The following TCAF2 variants were observed in gnomAD, a reference collection of about 807,000 sequenced individuals.
TCAF2 encodes the protein TRPM8 channel associated factor 2, also known as TRPM8 channel-associated factor 2.
TCAF2 carries 6 observed loss-of-function variants against 33.9 expected under a neutral mutation model. That is an observed-to-expected ratio of 0.18 (90% confidence interval 0.10 to 0.35). TCAF2 has a LOEUF of 0.35. Among genes scored for constraint, TCAF2 ranks in the 10% least tolerant of loss-of-function variants. The pLI is 1.00. For missense variants in TCAF2, 109 were observed against 604.0 expected (o/e 0.18, Z 8.59); for synonymous variants, 41 against 247.8 (o/e 0.17, Z 7.84).
chr7:143,727,716 TCCA>T lies in TCAF2; in HGVS notation c.*53_*55del. On this transcript the variant is annotated 3_prime_UTR_variant, in exon 8 of 8. Transcript: ENST00000684770. ...GAAAAGGCAGGGTCACGCCATCAAC[TCCA>T]CCATGGGGCTTTGGCCGTGTGCTCA... The T allele has an allele frequency of 1.9e-6, 1 of 522,356 alleles. No individual in the cohort carries two copies. Among genetic ancestry groups the T allele is most frequent in the Non-Finnish European group, 3.3e-6 (1 of 301,908 alleles). 32.4% of individuals were successfully genotyped at this position (522,356 alleles called of 1,614,324 possible). A position where few individuals can be genotyped will look rare whatever the true frequency, so the allele number is the denominator to read the frequency against.
chr7:143,718,306 C>A (rs75884701), intron 2 of TCAF2, among the ~76,000 whole-genome samples: 20 of 131,452 alleles, frequency 1.5e-4, no homozygotes, highest in African/African-American at 3.0e-4. Flanking sequence ...TTAAAATGAC[C>A]TAAAATCCCA....
At chr7:143,707,589 A>AATG (rs1809251003) in intron 2 of TCAF2, among the ~76,000 whole-genome samples, 1 of 133,982 alleles carries the variant, frequency 7.5e-6, no homozygotes, top group African/African-American at 3.0e-5. Context: ...TTCCAGGCAC[A>AATG]GTGAAGCGCA....
chr7:143,624,445 T>G (rs1325606233), intron 1 of TCAF2: 1 of 138,414 alleles, frequency 7.2e-6, no homozygotes, highest in Non-Finnish European at 1.3e-5. Flanking sequence ...GGATAAACAA[T>G]AGAGTTGGTT....
At position 143,728,833 on chromosome 7, in the gene TCAF2, T is replaced by A. The variant is rs1809744394; in HGVS notation, c.*1166T>A. 6.6e-6 allele frequency: 1 copy of A among 152,246 alleles called. No homozygotes were observed. The highest frequency in any genetic ancestry group is 2.1e-4 in the South Asian group (1 of 4,834). 9.4% of individuals were successfully genotyped at this position (152,246 alleles called of 1,614,324 possible). ...GGAGTTCTCATTGGAGATTTGTCTC[T>A]GGGATTAATGAGTGTATGCCTAGCT... is the stretch of plus-strand genomic sequence containing the variant. On this transcript the variant is annotated 3_prime_UTR_variant, in exon 8 of 8. Coordinates refer to ENST00000684770, the MANE Select transcript of TCAF2 (RefSeq NM_001363538.2).
At position 143,727,514 on chromosome 7, in the gene TCAF2, GGTGAAGAAGTTCTCTGAAAAA is replaced by G. The variant is rs1809706270; in HGVS notation, c.2617_2637del (p.Phe873_Lys879del). The G allele has an allele frequency of 1.2e-5, 18 of 1,495,860 alleles. No individual in the cohort carries two copies. Among genetic ancestry groups the G allele is most frequent in the Non-Finnish European group, 1.6e-5 (18 of 1,108,764 alleles). 92.7% of individuals were successfully genotyped at this position (1,495,860 alleles called of 1,614,324 possible). ...ACAACACTGGCAGGATGAATCTATG[GGTGAAGAAGTTCTCTGAAAAA>G]GTGAAGAAGAATCTGGTTCCCTTCT... On this transcript the variant is annotated inframe_deletion, in exon 8 of 8. Coordinates refer to ENST00000684770, the MANE Select transcript of TCAF2 (RefSeq NM_001363538.2).
rs1337425597 is a variant in TCAF2 at position 143,730,330 on chromosome 7, G to A, written c.*2663G>A. ...TGGCATGAGATGGTACCCCATTGTG[G>A]TTTTGATTTACATTTCCCTAATGAC... On this transcript the variant is annotated 3_prime_UTR_variant, in exon 8 of 8. Coordinates refer to ENST00000684770, the MANE Select transcript of TCAF2 (RefSeq NM_001363538.2). The A allele has an allele frequency of 6.6e-6, 1 of 152,042 alleles. No homozygotes were observed. Among genetic ancestry groups the A allele is most frequent in the African/African-American group, 2.4e-5 (1 of 41,394 alleles). 9.4% of individuals were successfully genotyped at this position (152,042 alleles called of 1,614,324 possible). A position where few individuals can be genotyped will look rare whatever the true frequency, so the allele number is the denominator to read the frequency against.
rs1224440329 is a variant in TCAF2 at position 143,728,074 on chromosome 7, G to A, written c.*407G>A. 1.6e-5 allele frequency: 3 copies of A among 187,138 alleles called. No homozygotes were observed. The highest frequency in any genetic ancestry group is 7.1e-5 in the African/African-American group (3 of 41,960). 11.6% of individuals were successfully genotyped at this position (187,138 alleles called of 1,614,324 possible). The stretch of plus-strand genomic sequence containing the variant: ...TTTAACAAGTTTTCAAATAGCAAGC[G>A]AGACACGCTGGAATAGTGGAGAGAG... On this transcript the variant is annotated 3_prime_UTR_variant, in exon 8 of 8. Transcript: ENST00000684770.
At chr7:143,714,264 T>C (rs1809353955) in intron 2 of TCAF2, among the ~76,000 whole-genome samples, 1 of 9,068 alleles carries the variant, frequency 1.1e-4, no homozygotes, top group Non-Finnish European at 1.6e-4. Context: ...AGTATTTCTG[T>C]CCTGTTTATA....
chr7:143,724,792 C>T lies in TCAF2; in HGVS notation c.2505+95C>T, dbSNP rs1166098370. 2.6e-6 allele frequency: 4 copies of T among 1,554,126 alleles called. No homozygotes were observed. In the African/African-American group the frequency reaches 5.7e-5, roughly 22 times the overall value. ...TAGCCCTCCACCTCCTTCGCCACTC[C>T]ACCAGCCTGGACCTCCACCTCCCCT... On this transcript the variant is annotated intron_variant, in intron 7 of 7. Coordinates refer to ENST00000684770, the MANE Select transcript of TCAF2 (RefSeq NM_001363538.2).
rs375441726 is a variant in TCAF2 at position 143,724,705 on chromosome 7, G to A, written c.2505+8G>A. On this transcript the variant is annotated splice_region_variant and intron_variant, in intron 7 of 7. Transcript: ENST00000684770. ...CTGGAAACATATCTACAGGTACTGA[G>A]CAGAAATTCTGGGAGAAGGGGATGA... The A allele has an allele frequency of 3.1e-6, 5 of 1,598,726 alleles. No homozygotes were observed. Among genetic ancestry groups the A allele is most frequent in the Admixed American group, 3.4e-5 (2 of 58,338 alleles).
intron 1 of TCAF2, among the ~76,000 whole-genome samples, chr7:143,635,209 T>A (rs911046078): frequency 4.7e-5 from 1 of 21,188 alleles, no homozygotes. Context: ...AATTGTTAGA[T>A]GTTTTACCTT....
Position 143,624,003 on chromosome 7 carries a change from A to G in TCAF2, c.-12+2983A>G, listed in dbSNP as rs1292772564. The G allele has an allele frequency of 7.9e-6, 4 of 505,846 alleles. No homozygotes were observed. In the African/African-American group the frequency reaches 9.9e-5, roughly 13 times the overall value. 31.3% of individuals were successfully genotyped at this position (505,846 alleles called of 1,614,324 possible). ...ACCTGTCGCATGCTGGCTTGGCTTC[A>G]TTTCTCCTCAATGCAGTGAGCTGGC... On this transcript the variant is annotated intron_variant, in intron 1 of 7. Coordinates refer to ENST00000684770, the MANE Select transcript of TCAF2 (RefSeq NM_001363538.2).
chr7:143,719,640 C>G (rs1490055653), intron 2 of TCAF2, 43 bp from the exon 3 acceptor site: 1 of 601,656 alleles, frequency 1.7e-6, no homozygotes, highest in Admixed American at 3.0e-5. Context: ...TTCAGTGGCT[C>G]ATTAACTGAC....
At position 143,728,068 on chromosome 7, in the gene TCAF2, G is replaced by A. The variant is rs1299455905; in HGVS notation, c.*401G>A. ...TTATGCTTTAACAAGTTTTCAAATA[G>A]CAAGCGAGACACGCTGGAATAGTGG... is the stretch of plus-strand genomic sequence containing the variant. On this transcript the variant is annotated 3_prime_UTR_variant, in exon 8 of 8. Coordinates refer to ENST00000684770, the MANE Select transcript of TCAF2 (RefSeq NM_001363538.2). 1.1e-5 allele frequency: 2 copies of A among 182,378 alleles called. No homozygotes were observed. Among genetic ancestry groups the A allele is most frequent in the Non-Finnish European group, 2.3e-5 (2 of 85,650 alleles). The allele number at this position is 182,378 out of a possible 1,614,324, so 11.3% of individuals were successfully genotyped here. A position where few individuals can be genotyped will look rare whatever the true frequency, so the allele number is the denominator to read the frequency against.
rs1182111937 is a variant in TCAF2 at position 143,647,910 on chromosome 7, TTTTC to T, written c.-12+26906_-12+26909del. ...AGTCTTTCTTTCTTTTCTTTCTTTC[TTTTC>T]TTTCTTTCTTTCTTTTTTTATTTGA... is the stretch of plus-strand genomic sequence containing the variant. On this transcript the variant is annotated intron_variant, in intron 1 of 7. Coordinates refer to ENST00000684770, the MANE Select transcript of TCAF2 (RefSeq NM_001363538.2). 2.0e-4 allele frequency among the ~76,000 whole-genome samples: 29 copies of T among 144,510 alleles called. 3 individuals are homozygous for T. Among genetic ancestry groups the T allele is most frequent in the Middle Eastern group, 3.4e-3 (1 of 290 alleles). The allele number at this position is 144,510 out of a possible 152,430, so 94.8% of individuals were successfully genotyped here.
In TCAF2 at chr7:143,727,530, G is replaced by GA; in HGVS notation, c.2628dup (p.Val877SerfsTer10). 6.8e-7 allele frequency: 1 copy of GA among 1,477,672 alleles called. No individual in the cohort carries two copies. The highest frequency in any genetic ancestry group is 9.1e-7 in the Non-Finnish European group (1 of 1,099,458). The allele number at this position is 1,477,672 out of a possible 1,614,324, so 91.5% of individuals were successfully genotyped here. A position where few individuals can be genotyped will look rare whatever the true frequency, so the allele number is the denominator to read the frequency against. Reference sequence around the variant, plus strand: ...GAATCTATGGGTGAAGAAGTTCTCTGAAAAAGTGAAGAAGAATCTGGTTCC... The same window carrying GA: ...GAATCTATGGGTGAAGAAGTTCTCTGAAAAAAGTGAAGAAGAATCTGGTTCC... On this transcript the variant is annotated frameshift_variant, in exon 8 of 8. Coordinates refer to ENST00000684770, the MANE Select transcript of TCAF2 (RefSeq NM_001363538.2). LOFTEE classifies it low-confidence loss of function (END_TRUNC).
In TCAF2 at chr7:143,728,127, AAT is replaced by A; in HGVS notation, c.*461_*462del. On this transcript the variant is annotated 3_prime_UTR_variant, in exon 8 of 8. Coordinates refer to ENST00000684770, the MANE Select transcript of TCAF2 (RefSeq NM_001363538.2). ...CCAAACCAGCTTTGGTTCTATGGAA[AAT>A]CACTCCACCTCTCTGTGTTTCTGTC... The A allele has an allele frequency of 5.0e-6, 1 of 198,388 alleles. No individual in the cohort carries two copies. The highest frequency in any genetic ancestry group is 1.0e-5 in the Non-Finnish European group (1 of 96,268). The allele number at this position is 198,388 out of a possible 1,614,324, so 12.3% of individuals were successfully genotyped here.
rs1368818972 is a variant in TCAF2, at chr7:143,724,290, TGGA to T, written c.2168-68_2168-66del. ...AGGATGGTGAAGAAAAGTCCAATAA[TGGA>T]GAAGAATGAAGGAGATAGTTTGGGC... On this transcript the variant is annotated intron_variant, in intron 6 of 7. Transcript: ENST00000684770. 7.2e-6 allele frequency: 7 copies of T among 970,066 alleles called. No individual in the cohort carries two copies. In the African/African-American group the frequency reaches 1.1e-4, roughly 16 times the overall value. The allele number at this position is 970,066 out of a possible 1,614,324, so 60.1% of individuals were successfully genotyped here. A position where few individuals can be genotyped will look rare whatever the true frequency, so the allele number is the denominator to read the frequency against.
At chr7:143,720,899 C>T in intron 3 of TCAF2, 1 of 469,180 alleles carries the variant, frequency 2.1e-6, no homozygotes, top group Non-Finnish European at 3.4e-6. Context: ...TCTCTCTCAG[C>T]CTCCTGTGTT....
Sources: gnomAD v4.1 joint callset for allele counts (sites outside exome capture counted in the v4.1 genomes callset) on GRCh38, gnomAD v4.1.1 for gene constraint, MANE v1.5 for transcripts, NCBI Gene and HGNC (gene_info 2026-07-23, HGNC 2026-07-21) for gene names.